The following LRP6 variants were observed in gnomAD, a reference collection of about 807,000 sequenced individuals.
LRP6 encodes the protein LDL receptor related protein 6, also known as low-density lipoprotein receptor-related protein 6.
Under a neutral mutation model 184.1 loss-of-function variants are expected in LRP6, and 43 were observed. That is an observed-to-expected ratio of 0.23 (90% CI 0.18 to 0.30). LRP6 has a LOEUF of 0.30. Among genes scored for constraint, LRP6 ranks in the 10% least tolerant of loss-of-function variants. The pLI is 1.00. For synonymous variants in LRP6, 719 were observed against 684.9 expected, an observed-to-expected ratio of 1.05 and a Z score of -0.78; for missense variants, 1,571 against 2,005.3, an observed-to-expected ratio of 0.78 and a Z score of 4.14.
At chr12:12,229,416 G>A (rs1256926902) in intron 2 of LRP6, among the ~76,000 whole-genome samples, 2 of 148,034 alleles carry the variant, frequency 1.4e-5, no homozygotes, top group African/African-American at 5.0e-5. Context: ...CTCACACTGA[G>A]ACTTGAAAAT....
At chr12:12,186,109 A>C (rs1178812726) in intron 4 of LRP6, among the ~76,000 whole-genome samples, 1 of 151,892 alleles carries the variant, frequency 6.6e-6, no homozygotes, top group Non-Finnish European at 1.5e-5. Flanking sequence ...TGGCCTCCCA[A>C]AGTGTGGGAT....
intron 2 of LRP6, among the ~76,000 whole-genome samples, chr12:12,205,329 CAAAAAAAAAAAAAA>C (rs56169717): frequency 7.7e-5 from 3 of 39,106 alleles, no homozygotes; most frequent in African/African-American, 1.5e-4. Flanking sequence ...CTCAAACAAA[CAAAAAAAAAAAAAA>C]AAAAAAAAAA....
intron 17 of LRP6, among the ~76,000 whole-genome samples, chr12:12,133,043 G>A (rs1591869467): frequency 6.6e-6 from 1 of 152,104 alleles, no homozygotes; most frequent in South Asian, 2.1e-4. Context: ...CATTTTACAT[G>A]GGGAATTTTA....
intron 15 of LRP6, among the ~76,000 whole-genome samples, chr12:12,143,615 T>C (rs1187027042): frequency 6.6e-6 from 1 of 152,174 alleles, no homozygotes; most frequent in Non-Finnish European, 1.5e-5. Context: ...AAGGTGATAC[T>C]ACAGAGTAGT....
At chr12:12,150,815 T>C (rs1950071163) in intron 13 of LRP6, 21 bp downstream of exon 13, 6 of 1,612,356 alleles carry the variant, frequency 3.7e-6, no homozygotes, top group Non-Finnish European at 5.1e-6. Context: ...GAAATGAATT[T>C]TGAACCAAGC....
In LRP6 at chr12:12,253,612, C is replaced by T. The variant is rs1865382404; in HGVS notation, c.56-8957G>A. Among the ~76,000 whole-genome samples, 3 of 134,532 alleles carry T rather than the reference C, an allele frequency of 2.2e-5. No individual in the cohort carries two copies. The South Asian group carries it at 7.1e-4, about 32-fold the overall frequency. 88.3% of individuals were successfully genotyped at this position (134,532 alleles called of 152,430 possible). ...ACAACAGGACCTGGTGTGTGATGTTCCCCTTCCTGTGTCCAAGTGTTCTCA... is the reference window on the plus strand; with the variant it reads ...ACAACAGGACCTGGTGTGTGATGTTTCCCTTCCTGTGTCCAAGTGTTCTCA... On this transcript the variant is annotated intron_variant, in intron 1 of 22. Transcript: ENST00000261349.
intron 1 of LRP6, among the ~76,000 whole-genome samples, chr12:12,259,262 CAA>C (rs535352023): frequency 2.7e-4 from 16 of 59,196 alleles, no homozygotes; most frequent in Admixed American, 3.7e-4. Context: ...GACTCCATCT[CAA>C]AAAAAAAAAA....
In LRP6 at chr12:12,159,856, T is replaced by G. The variant is rs1473740786; in HGVS notation, c.2388A>C (p.Leu796=). 1 of 1,614,042 alleles carries G rather than the reference T, an allele frequency of 6.2e-7. No homozygotes were observed. The highest frequency in any genetic ancestry group is 8.5e-7 in the Non-Finnish European group (1 of 1,180,010). The part of the protein sequence containing the change: ...LVPNVGRANG[L]TIDYAKRRLY... Reference sequence around the variant, plus strand: ...GCCTCCTTTTAGCATAATCAATAGTTAGGCCGTTTGCCCGCCCCACATTTG... The same window carrying G: ...GCCTCCTTTTAGCATAATCAATAGTGAGGCCGTTTGCCCGCCCCACATTTG... The change falls in exon 11 of 23, where the codon CTA becomes CTC. Residue 796 remains leucine, a synonymous_variant. Transcript: ENST00000261349.
rs188874872 is a variant in LRP6, at chr12:12,235,901, G to A, written c.449+8361C>T. 2.3e-3 allele frequency among the ~76,000 whole-genome samples: 349 copies of A among 152,200 alleles called. 1 individual carries two copies. The highest frequency in any genetic ancestry group is 8.1e-3 in the African/African-American group (338 of 41,522). On this transcript the variant is annotated intron_variant, in intron 2 of 22. Coordinates refer to ENST00000261349, the MANE Select transcript of LRP6 (RefSeq NM_002336.3). ...GGACACAATGAGTCTGGACTGCCTG[G>A]AGTCGCCAGAAAGTAAATAAGTACT...
rs1020924729 is a variant in LRP6, at chr12:12,136,139, A to G, written c.3608-839T>C. On this transcript the variant is annotated intron_variant, in intron 16 of 22. Coordinates refer to ENST00000261349, the MANE Select transcript of LRP6 (RefSeq NM_002336.3). ...GAGGCGGAGGTTACAGTGAGCCAAG[A>G]TAGTGCCACTGCACTCCAGCCTGGG... 1.8e-3 allele frequency among the ~76,000 whole-genome samples: 274 copies of G among 152,338 alleles called. 7 individuals are homozygous for G. Among genetic ancestry groups the G allele is most frequent in the Admixed American group, 0.018 (272 of 15,306 alleles).
At chr12:12,203,112 T>C in intron 3 of LRP6, 91 bp downstream of exon 3, 1 of 907,890 alleles carries the variant, frequency 1.1e-6, no homozygotes, top group Non-Finnish European at 1.7e-6. Context: ...TAGTCAAAAA[T>C]AAACATATTT....
chr12:12,159,106 T>C lies in LRP6; in HGVS notation c.2514A>G (p.Leu838=), dbSNP rs1276132115. 26 of 1,614,040 alleles carry C rather than the reference T, an allele frequency of 1.6e-5. No homozygotes were observed. The highest frequency in any genetic ancestry group is 2.2e-5 in the South Asian group (2 of 91,088). ...AGTAGATATAATCTTGGTACTGAGT[T>C]AAGCCAAAAGGATGAGGCAAGTCAT... ...IADDLPHPFG[L]TQYQDYIYWT... is the part of the protein sequence containing the mutation. Residue 838 remains leucine, a synonymous_variant, in exon 12 of 23, where the codon TTA becomes TTG. Transcript: ENST00000261349.
At chr12:12,250,299 T>C (rs1298156923) in intron 1 of LRP6, among the ~76,000 whole-genome samples, 2 of 152,200 alleles carry the variant, frequency 1.3e-5, no homozygotes, top group Non-Finnish European at 2.9e-5. Context: ...ACATGTAAAC[T>C]GGGAGTACAT....
At chr12:12,188,737 A>G (rs1292182581) in intron 3 of LRP6, among the ~76,000 whole-genome samples, 4 of 152,206 alleles carry the variant, frequency 2.6e-5, no homozygotes, top group Admixed American at 6.5e-5. Flanking sequence ...GAACTGTCAC[A>G]ATACCTTCTC....
chr12:12,138,023 T>G (rs1051050114), intron 16 of LRP6, among the ~76,000 whole-genome samples: 1 of 150,758 alleles, frequency 6.6e-6, no homozygotes, highest in Non-Finnish European at 1.5e-5. Flanking sequence ...AAAAAAAAAT[T>G]AGCGAGGCAT....
chr12:12,224,217 C>T (rs772577315), intron 2 of LRP6, among the ~76,000 whole-genome samples: 3 of 152,210 alleles, frequency 2.0e-5, no homozygotes, highest in African/African-American at 7.2e-5. Flanking sequence ...TTAAGGTCCA[C>T]GCTTTCTGCT....
At chr12:12,253,109 T>G (rs1865365292) in intron 1 of LRP6, among the ~76,000 whole-genome samples, 1 of 151,754 alleles carries the variant, frequency 6.6e-6, no homozygotes, top group Non-Finnish European at 1.5e-5. Context: ...ACCAAAAATA[T>G]AAAAATTAGC....
At chr12:12,154,190 T>G (rs1950118738) in intron 12 of LRP6, among the ~76,000 whole-genome samples, 2 of 152,208 alleles carry the variant, frequency 1.3e-5, no homozygotes, top group South Asian at 4.1e-4. Flanking sequence ...TCCTAGGTGT[T>G]CCTCTAACAT....
intron 15 of LRP6, among the ~76,000 whole-genome samples, chr12:12,145,170 G>GA (rs991085063): frequency 7.2e-4 from 109 of 150,506 alleles, no homozygotes; most frequent in African/African-American, 2.4e-3. Flanking sequence ...TAGGTACCCA[G>GA]AAAAAAAAAT....
Sources: gnomAD v4.1 joint callset for allele counts (sites outside exome capture counted in the v4.1 genomes callset) on GRCh38, gnomAD v4.1.1 for gene constraint, MANE v1.5 for transcripts, NCBI Gene and HGNC (gene_info 2026-07-23, HGNC 2026-07-21) for gene names.